The following CASD1 variants were observed in gnomAD, a reference collection of about 807,000 sequenced individuals.
CASD1 encodes the protein N-acetylneuraminate (7)9-O-acetyltransferase.
Under a neutral mutation model 100.0 loss-of-function variants are expected in CASD1, and 41 were observed. The observed-to-expected ratio is 0.41, with a 90% confidence interval of 0.32 to 0.53. The LOEUF (loss-of-function observed/expected upper bound fraction) is 0.53, where lower values mean the gene tolerates loss of function less well. Among genes scored for constraint, CASD1 ranks in the 20% least tolerant of loss-of-function variants. The pLI, the probability that CASD1 is intolerant of heterozygous loss-of-function variation, is 0.25. For missense variants in CASD1, 774 were observed against 948.7 expected (o/e 0.82, Z 2.42); for synonymous variants, 321 against 315.6 (o/e 1.02, Z -0.18).
chr7:94,595,936 A>T, the CASD1 span, among the ~76,000 whole-genome samples: 1 of 152,130 alleles, frequency 6.6e-6, no homozygotes, highest in Non-Finnish European at 1.5e-5. Flanking sequence ...GATGAGTCAG[A>T]CGCACTTGAT....
chr7:94,515,723 C>T (rs988834511), intron 1 of CASD1, among the ~76,000 whole-genome samples: 2 of 151,750 alleles, frequency 1.3e-5, no homozygotes, highest in African/African-American at 4.8e-5. Context: ...AACAACACCC[C>T]CCTCCCCCTA....
the CASD1 span, among the ~76,000 whole-genome samples, chr7:94,606,262 C>T: frequency 6.6e-6 from 1 of 152,096 alleles, no homozygotes; most frequent in Non-Finnish European, 1.5e-5. Context: ...GACACATATA[C>T]ATTAAAAGTA....
the CASD1 span, among the ~76,000 whole-genome samples, chr7:94,596,548 CAA>C: frequency 6.6e-6 from 1 of 152,100 alleles, no homozygotes; most frequent in African/African-American, 2.4e-5. Context: ...TATGGATTCA[CAA>C]AGTGTATCAA....
intron 16 of CASD1, chr7:94,554,062 G>A (rs1043637142): frequency 2.6e-5 from 4 of 154,062 alleles, no homozygotes; most frequent in African/African-American, 9.7e-5. Flanking sequence ...GCTGTCAGCG[G>A]AAGGAGGATT....
chr7:94,570,564 G>A, the CASD1 span, among the ~76,000 whole-genome samples: 3 of 151,976 alleles, frequency 2.0e-5, no homozygotes, highest in Non-Finnish European at 2.9e-5. Context: ...GCATGATCTC[G>A]GCTCACTGCA....
chr7:94,592,107 C>T, the CASD1 span, among the ~76,000 whole-genome samples: 2 of 152,164 alleles, frequency 1.3e-5, no homozygotes, highest in Non-Finnish European at 2.9e-5. Flanking sequence ...AAGATGTGTG[C>T]ACATAGCTCT....
chr7:94,513,959 A>G (rs1793844952), intron 1 of CASD1, among the ~76,000 whole-genome samples: 1 of 152,174 alleles, frequency 6.6e-6, no homozygotes, highest in South Asian at 2.1e-4. Context: ...TCAATTTCTA[A>G]CATTATGAAT....
At chr7:94,631,030 G>C in the CASD1 span, among the ~76,000 whole-genome samples, 6 of 151,958 alleles carry the variant, frequency 3.9e-5, no homozygotes, top group Non-Finnish European at 8.8e-5. Flanking sequence ...GTAGCTTCAC[G>C]TATCTACAGA....
At chr7:94,514,049 TC>T (rs1220712145) in intron 1 of CASD1, among the ~76,000 whole-genome samples, 1 of 152,198 alleles carries the variant, frequency 6.6e-6, no homozygotes, top group Non-Finnish European at 1.5e-5. Context: ...TAAGGATAGT[TC>T]CAATCTGGAT....
intron 3 of CASD1, 92 bp from the exon 4 acceptor site, chr7:94,527,070 A>G (rs1444254231): frequency 2.1e-6 from 2 of 934,974 alleles, no homozygotes; most frequent in African/African-American, 1.7e-5. Flanking sequence ...CAACAAAAAT[A>G]TGCATAAAAA....
intron 7 of CASD1, among the ~76,000 whole-genome samples, chr7:94,534,159 A>ATTTTTTTTTTTTTTTTTTTTTTTT (rs56864121): frequency 2.0e-5 from 2 of 100,538 alleles, no homozygotes; most frequent in Non-Finnish European, 1.9e-5. Context: ...CTGTTTCATA[A>ATTTTTTTTTTTTTTTTTTTTTTTT]TTTTTTTTTT....
intron 1 of CASD1, among the ~76,000 whole-genome samples, chr7:94,516,701 G>T (rs533245996): frequency 4.0e-5 from 6 of 149,100 alleles, no homozygotes; most frequent in African/African-American, 1.5e-4. Context: ...TAACCCCTTT[G>T]GTCATGTATA....
At chr7:94,615,425 A>ATAGATAG in the CASD1 span, among the ~76,000 whole-genome samples, 1 of 133,434 alleles carries the variant, frequency 7.5e-6, no homozygotes, top group Non-Finnish European at 1.8e-5. Context: ...TAGATAGATA[A>ATAGATAG]AGGGCAATTC....
chr7:94,545,727 A>G, intron 12 of CASD1, 26 bp downstream of exon 12: 1 of 1,463,112 alleles, frequency 6.8e-7, no homozygotes, highest in Non-Finnish European at 9.3e-7. Flanking sequence ...TACTAATGTT[A>G]GTAAATATAT....
the CASD1 span, chr7:94,622,524 G>A: frequency 6.6e-6 from 1 of 151,972 alleles, no homozygotes; most frequent in Non-Finnish European, 1.5e-5. Flanking sequence ...ACCTACTCGG[G>A]AGGCTGAGGC....
the CASD1 span, chr7:94,599,862 C>G: frequency 1.4e-6 from 1 of 706,656 alleles, no homozygotes. Context: ...CATTTGCCAC[C>G]AGGTTTATGA....
the CASD1 span, chr7:94,600,228 T>G: frequency 4.9e-6 from 1 of 204,904 alleles, no homozygotes; most frequent in African/African-American, 2.4e-5. Context: ...TTAAATTGTG[T>G]TACCCTGTTT....
chr7:94,524,972 G>A (rs4729137), intron 3 of CASD1, among the ~76,000 whole-genome samples: 53,102 of 151,948 alleles, frequency 0.35, 9,614 homozygotes, highest in South Asian at 0.42. Flanking sequence ...TATTAAATGA[G>A]ATAATATTTT....
In CASD1 at chr7:94,510,454, C is replaced by G. The variant is rs543157817; in HGVS notation, c.133+237C>G. On this transcript the variant is annotated intron_variant, in intron 1 of 17. Transcript: ENST00000297273. Reference sequence around the variant, plus strand: ...GTGGTTCTGGGCGCCCCGAGCCGCCCGCGCTGGGGTCGGGGGCGCCAACCC... The same window carrying G: ...GTGGTTCTGGGCGCCCCGAGCCGCCGGCGCTGGGGTCGGGGGCGCCAACCC... 6.9e-4 allele frequency among the ~76,000 whole-genome samples: 105 copies of G among 152,320 alleles called. 1 individual carries two copies. The highest frequency in any genetic ancestry group is 2.5e-3 in the African/African-American group (104 of 41,582).
Sources: gnomAD v4.1 joint callset for allele counts (sites outside exome capture counted in the v4.1 genomes callset) on GRCh38, gnomAD v4.1.1 for gene constraint, MANE v1.5 for transcripts, NCBI Gene and HGNC (gene_info 2026-07-23, HGNC 2026-07-21) for gene names.